Variants in TNRC6A observed in about 807,000 individuals in gnomAD.
The protein encoded by TNRC6A is trinucleotide repeat containing adaptor 6A.
In TNRC6A, 44 loss-of-function variants were observed where a neutral mutation model predicts 221.2. That is an observed-to-expected ratio of 0.20 (90% confidence interval 0.16 to 0.26). The LOEUF is 0.26. Among genes scored for constraint, TNRC6A ranks in the 10% least tolerant of loss-of-function variants. TNRC6A has a pLI of 1.00. For missense variants in TNRC6A, 2,199 were observed against 2,404.4 expected, an observed-to-expected ratio of 0.91 and a Z score of 1.79; for synonymous variants, 847 against 838.5, an observed-to-expected ratio of 1.01 and a Z score of -0.18.
chr16:24,760,210 G>A (rs763775488), intron 4 of TNRC6A, among the ~76,000 whole-genome samples: 2 of 152,198 alleles, frequency 1.3e-5, no homozygotes, highest in East Asian at 3.9e-4. Flanking sequence ...ACCTCTCAGA[G>A]TTCATCCTTG....
At chr16:24,814,541 T>C (rs780589962) in intron 18 of TNRC6A, among the ~76,000 whole-genome samples, 10 of 151,368 alleles carry the variant, frequency 6.6e-5, no homozygotes, top group Non-Finnish European at 1.5e-4. Context: ...CCCAAGTAGC[T>C]GTAGCTGGGA....
At chr16:24,805,558 T>C (rs1408024857) in intron 14 of TNRC6A, 47 bp from the exon 15 acceptor site, 1 of 1,609,042 alleles carries the variant, frequency 6.2e-7, no homozygotes. Flanking sequence ...GTGTAGTTAG[T>C]GTGAGTTATT....
At position 24,656,038 on chromosome 16, in the gene TNRC6A, G is replaced by A. The variant is rs1188212116; in HGVS notation, n.402+15029G>A. 2.0e-5 allele frequency among the ~76,000 whole-genome samples: 3 copies of A among 151,436 alleles called. No individual in the cohort carries two copies. The South Asian group carries it at 6.3e-4, about 32-fold the overall frequency. Reference sequence around the variant, plus strand: ...AGTGCCTGTGGTCCCAGCTACTCAGGAGGCTGAGGCAGGAGGATCACCTGA... The same window carrying A: ...AGTGCCTGTGGTCCCAGCTACTCAGAAGGCTGAGGCAGGAGGATCACCTGA... On this transcript the variant is annotated intron_variant and non_coding_transcript_variant, in intron 2 of 2. Coordinates refer to the TNRC6A transcript ENST00000566108.
chr16:24,806,180 C>A, intron 15 of TNRC6A, 26 bp from the exon 16 acceptor site: 1 of 1,613,014 alleles, frequency 6.2e-7, no homozygotes, highest in Non-Finnish European at 8.5e-7. Context: ...GTGATAGTAA[C>A]AACCTTTTCG....
At chr16:24,658,752 C>T (rs947517828) in intron 2 of TNRC6A, among the ~76,000 whole-genome samples, 2 of 152,146 alleles carry the variant, frequency 1.3e-5, no homozygotes, top group East Asian at 3.9e-4. Flanking sequence ...AACCAACTCA[C>T]CCCAAAGAGT....
chr16:24,768,625 T>A (rs2057526325), intron 4 of TNRC6A, among the ~76,000 whole-genome samples: 1 of 152,140 alleles, frequency 6.6e-6, no homozygotes, highest in South Asian at 2.1e-4. Context: ...ATAGCAATTT[T>A]AGGTAAATTT....
chr16:24,761,645 A>G (rs2057366247), intron 4 of TNRC6A, among the ~76,000 whole-genome samples: 1 of 151,948 alleles, frequency 6.6e-6, no homozygotes, highest in African/African-American at 2.4e-5. Context: ...TTTTGGGCTC[A>G]AGCAATCCTC....
At chr16:24,781,469 A>G (rs756182248) in intron 5 of TNRC6A, among the ~76,000 whole-genome samples, 4 of 152,172 alleles carry the variant, frequency 2.6e-5, no homozygotes, top group Non-Finnish European at 5.9e-5. Context: ...TCAGTCTCTC[A>G]TAATCTGGCT....
intron 18 of TNRC6A, among the ~76,000 whole-genome samples, chr16:24,811,703 A>T (rs2058546983): frequency 6.6e-6 from 1 of 151,878 alleles, no homozygotes. Context: ...GGAGAATTGG[A>T]GTAGATCTAG....
At chr16:24,666,828 AC>A (rs1216942520) in intron 2 of TNRC6A, among the ~76,000 whole-genome samples, 1 of 150,410 alleles carries the variant, frequency 6.6e-6, no homozygotes, top group Admixed American at 6.7e-5. Flanking sequence ...AAAAAACACC[AC>A]TCTTGGCTGG....
At chr16:24,785,570 A>G (rs777557201) in intron 5 of TNRC6A, among the ~76,000 whole-genome samples, 5 of 152,020 alleles carry the variant, frequency 3.3e-5, no homozygotes, top group Non-Finnish European at 5.9e-5. Context: ...CCTCTATTCT[A>G]TTATTTTTAC....
At chr16:24,817,755 C>T (rs530797728) in intron 20 of TNRC6A, among the ~76,000 whole-genome samples, 7 of 152,160 alleles carry the variant, frequency 4.6e-5, no homozygotes, top group Middle Eastern at 3.4e-3. Context: ...TTGCGTTAGA[C>T]GTGTAATTTA....
At chr16:24,727,826 A>G (rs1037737523), upstream of TNRC6A, among the ~76,000 whole-genome samples, 2 of 152,222 alleles carry the variant, frequency 1.3e-5, no homozygotes, top group South Asian at 2.1e-4. Flanking sequence ...AGAAAAACAA[A>G]TATGTGTGTA....
intron 2 of TNRC6A, among the ~76,000 whole-genome samples, chr16:24,709,521 A>G (rs1158449463): frequency 6.6e-6 from 1 of 152,152 alleles, no homozygotes; most frequent in Admixed American, 6.6e-5. Context: ...AAGTGAGGAA[A>G]AATAAATAAA....
chr16:24,823,287 A>AGG lies in TNRC6A; in HGVS notation c.5514-143_5514-142dup. 1 of 1,076,466 alleles carries AGG rather than the reference A, an allele frequency of 9.3e-7. No individual in the cohort carries two copies. Among genetic ancestry groups the AGG allele is most frequent in the Non-Finnish European group, 1.3e-6 (1 of 759,196 alleles). The allele number at this position is 1,076,466 out of a possible 1,614,324, so 66.7% of individuals were successfully genotyped here. On this transcript the variant is annotated intron_variant, in intron 24 of 24. Coordinates refer to ENST00000395799, the MANE Select transcript of TNRC6A (RefSeq NM_014494.4). The surrounding 1 kb of genome is among the most constrained non-coding windows in gnomAD (Gnocchi z 4.3). ...TGTGGGTGCACACTCGGGTGAAGGG[A>AGG]GGGCACGCAGGTTATGTGGTGTAGT...
At position 24,825,552 on chromosome 16, in the gene TNRC6A, C is replaced by A. The variant is rs927210752; in HGVS notation, c.*1745C>A. 2 of 152,624 alleles carry A rather than the reference C, an allele frequency of 1.3e-5. No individual in the cohort carries two copies. The highest frequency in any genetic ancestry group is 6.5e-5 in the Admixed American group (1 of 15,278). The allele number at this position is 152,624 out of a possible 1,614,324, so 9.5% of individuals were successfully genotyped here. A position where few individuals can be genotyped will look rare whatever the true frequency, so the allele number is the denominator to read the frequency against. On this transcript the variant is annotated 3_prime_UTR_variant, in exon 25 of 25. Coordinates refer to ENST00000395799, the MANE Select transcript of TNRC6A (RefSeq NM_014494.4). ...ATGTATGAGGGTTCTCATAGAGCAA[C>A]CGATTAAAAATCTAAGCAAATATTT...
At chr16:24,627,932 C>G (rs748363172) in intron 1 of TNRC6A, among the ~76,000 whole-genome samples, 1 of 150,736 alleles carries the variant, frequency 6.6e-6, no homozygotes, top group Non-Finnish European at 1.5e-5. Context: ...CTCCTGACCT[C>G]GTGATCTGCC....
At chr16:24,671,723 T>C (rs1273965146) in intron 2 of TNRC6A, among the ~76,000 whole-genome samples, 2 of 152,138 alleles carry the variant, frequency 1.3e-5, no homozygotes, top group Non-Finnish European at 2.9e-5. Context: ...AAAATATCAA[T>C]GTCAGGCCAG....
chr16:24,822,182 C>T lies in TNRC6A; in HGVS notation c.5373+35C>T, dbSNP rs747797209. On this transcript the variant is annotated intron_variant, in intron 23 of 24. Transcript: ENST00000395799. Reference sequence around the variant, plus strand: ...CCAGATACGCTGGTTTATGTGGCTACGCCAGGGAGCATGGGAACAGAGGTT... The same window carrying T: ...CCAGATACGCTGGTTTATGTGGCTATGCCAGGGAGCATGGGAACAGAGGTT... 1.1e-5 allele frequency: 18 copies of T among 1,602,782 alleles called. No individual in the cohort carries two copies. In the African/African-American group the frequency reaches 1.3e-4, roughly 12 times the overall value.
Sources: gnomAD v4.1 joint callset for allele counts (sites outside exome capture counted in the v4.1 genomes callset) on GRCh38, gnomAD v4.1.1 for gene constraint, Gnocchi (gnomAD v3.1) non-coding constraint, MANE v1.5 for transcripts, NCBI Gene and HGNC (gene_info 2026-07-23, HGNC 2026-07-21) for gene names.